The following CNBD1 variants were observed in gnomAD, a reference collection of about 807,000 sequenced individuals.
The protein encoded by CNBD1 is cyclic nucleotide-binding domain-containing protein 1.
In CNBD1, 71 loss-of-function variants were observed where a neutral mutation model predicts 54.4. The ratio of observed to expected loss-of-function variants is 1.30; its 90% CI spans 1.08 to 1.59. The LOEUF (loss-of-function observed/expected upper bound fraction) is 1.59, where lower values mean the gene tolerates loss of function less well. CNBD1 is among the 40% of genes most tolerant of loss of function. The probability of loss-of-function intolerance (pLI) is 0.00; values close to 1 mark genes in which losing one functional copy is unlikely to be tolerated. For missense variants in CNBD1, 659 were observed against 518.0 expected, an observed-to-expected ratio of 1.27 and a Z score of -2.64; for synonymous variants, 182 against 170.7, an observed-to-expected ratio of 1.07 and a Z score of -0.51.
chr8:87,337,408 A>T (rs1275898787), intron 8 of CNBD1, among the ~76,000 whole-genome samples: 5 of 152,094 alleles, frequency 3.3e-5, no homozygotes, highest in African/African-American at 1.2e-4. Context: ...CTGGAGTTGG[A>T]TTTCCTACAG....
At chr8:87,093,644 A>C (rs539478138) in intron 4 of CNBD1, among the ~76,000 whole-genome samples, 79 of 152,312 alleles carry the variant, frequency 5.2e-4, no homozygotes, top group African/African-American at 1.8e-3. Flanking sequence ...TTGCCTAGTC[A>C]AGTTGACATA....
chr8:86,935,057 A>G (rs950816629), intron 3 of CNBD1, among the ~76,000 whole-genome samples: 2 of 148,458 alleles, frequency 1.3e-5, no homozygotes, highest in African/African-American at 5.1e-5. Flanking sequence ...TTATTTTGAG[A>G]CAGAGTCTTG....
intron 4 of CNBD1, among the ~76,000 whole-genome samples, chr8:87,079,935 A>C (rs1810954313): frequency 6.6e-6 from 1 of 152,168 alleles, no homozygotes; most frequent in South Asian, 2.1e-4. Flanking sequence ...TTTTTCTTCC[A>C]GTTTTAAGTT....
At chr8:86,883,354 A>G (rs1394400250) in intron 1 of CNBD1, among the ~76,000 whole-genome samples, 1 of 152,290 alleles carries the variant, frequency 6.6e-6, no homozygotes, top group South Asian at 2.1e-4. Flanking sequence ...ATTCACGTGA[A>G]TATTAGTGGA....
chr8:86,972,186 G>GGAGTTCT (rs1470485340), intron 4 of CNBD1, among the ~76,000 whole-genome samples: 4 of 152,184 alleles, frequency 2.6e-5, no homozygotes, highest in African/African-American at 9.6e-5. Flanking sequence ...TCCTGACCTC[G>GGAGTTCT]TGATCCACCC....
At chr8:87,135,588 CTATA>C (rs1812210823) in intron 4 of CNBD1, among the ~76,000 whole-genome samples, 1 of 146,936 alleles carries the variant, frequency 6.8e-6, no homozygotes, top group African/African-American at 2.5e-5. Flanking sequence ...AATATATATG[CTATA>C]TAAACACATA....
rs58453987 is a variant in CNBD1 at position 87,015,977 on chromosome 8, CAAAAAAAAAAA to C, written c.431+76238_431+76248del. Among the ~76,000 whole-genome samples, 14 of 55,954 alleles carry C rather than the reference CAAAAAAAAAAA, an allele frequency of 2.5e-4. No homozygotes were observed. In the South Asian group the frequency reaches 8.7e-3, roughly 35 times the overall value. 36.7% of individuals were successfully genotyped at this position (55,954 alleles called of 152,430 possible). A position where few individuals can be genotyped will look rare whatever the true frequency, so the allele number is the denominator to read the frequency against. ...CCTGGGAAATAGTGAGAATCCGTCT[CAAAAAAAAAAA>C]AAAAAAAAAAAAAAGCCTTTTATTC... On this transcript the variant is annotated intron_variant, in intron 4 of 10. Coordinates refer to ENST00000518476, the MANE Select transcript of CNBD1 (RefSeq NM_173538.3).
intron 2 of CNBD1, among the ~76,000 whole-genome samples, chr8:87,389,489 C>T (rs1416554914): frequency 2.0e-5 from 3 of 152,124 alleles, no homozygotes; most frequent in Non-Finnish European, 2.9e-5. Context: ...CATGAGTGAA[C>T]TCCCATTCAC....
intron 4 of CNBD1, among the ~76,000 whole-genome samples, chr8:86,987,453 G>A (rs1485577225): frequency 6.6e-6 from 1 of 152,096 alleles, no homozygotes; most frequent in Non-Finnish European, 1.5e-5. Context: ...TCAATAAAGA[G>A]AGACAGTTGG....
At chr8:87,347,788 G>T (rs528791613) in intron 8 of CNBD1, among the ~76,000 whole-genome samples, 2 of 152,134 alleles carry the variant, frequency 1.3e-5, no homozygotes, top group Non-Finnish European at 2.9e-5. Flanking sequence ...GAGAAGGGGA[G>T]AAAGGGGTAA....
chr8:87,188,386 T>C (rs1463534569), intron 4 of CNBD1, among the ~76,000 whole-genome samples: 1 of 152,178 alleles, frequency 6.6e-6, no homozygotes, highest in African/African-American at 2.4e-5. Context: ...TGCCAGTGTT[T>C]GGATTATTAC....
rs1809552735 is a variant in CNBD1, at chr8:87,322,218, G to T, written c.1043-29467G>T. Among the ~76,000 whole-genome samples, 2 of 122,410 alleles carry T rather than the reference G, an allele frequency of 1.6e-5. 1 individual carries two copies. Among genetic ancestry groups the T allele is most frequent in the South Asian group, 4.7e-4 (2 of 4,214 alleles). The allele number at this position is 122,410 out of a possible 152,430, so 80.3% of individuals were successfully genotyped here. The stretch of plus-strand genomic sequence containing the variant: ...CAGTCTATCATTGTTGGACATTTGG[G>T]TTGTTTCCAAGTCTTTGCTATTGTG... On this transcript the variant is annotated intron_variant, in intron 8 of 10. Transcript: ENST00000518476.
At chr8:87,115,087 C>T (rs1221286695) in intron 4 of CNBD1, among the ~76,000 whole-genome samples, 1 of 152,154 alleles carries the variant, frequency 6.6e-6, no homozygotes, top group African/African-American at 2.4e-5. Flanking sequence ...ATTTAATCAA[C>T]TTAACCTGCT....
At chr8:87,275,825 CA>C (rs1808467472) in intron 6 of CNBD1, among the ~76,000 whole-genome samples, 1 of 151,630 alleles carries the variant, frequency 6.6e-6, no homozygotes, top group African/African-American at 2.4e-5. Flanking sequence ...TAGAAAACCC[CA>C]TTGTCTCAGC....
At chr8:87,017,260 C>T (rs1021530122) in intron 4 of CNBD1, among the ~76,000 whole-genome samples, 6 of 152,088 alleles carry the variant, frequency 3.9e-5, no homozygotes, top group African/African-American at 1.4e-4. Flanking sequence ...TACTTAAATG[C>T]CTTATAAAAA....
chr8:87,251,201 G>T (rs945183110), intron 6 of CNBD1, among the ~76,000 whole-genome samples: 1 of 151,982 alleles, frequency 6.6e-6, no homozygotes, highest in Non-Finnish European at 1.5e-5. Context: ...AAATTTCAGA[G>T]CCCTAGTTTT....
At chr8:87,014,225 A>G (rs1292237565) in intron 4 of CNBD1, among the ~76,000 whole-genome samples, 1 of 151,748 alleles carries the variant, frequency 6.6e-6, no homozygotes, top group Admixed American at 6.6e-5. Context: ...ATAAACCAGC[A>G]TTAAAATTAT....
intron 6 of CNBD1, among the ~76,000 whole-genome samples, chr8:87,261,151 C>G (rs577229082): frequency 6.6e-6 from 1 of 152,208 alleles, no homozygotes; most frequent in Non-Finnish European, 1.5e-5. Flanking sequence ...GGACCCAGTC[C>G]AGTTTCTATC....
At chr8:87,426,405 T>C (rs555951612) in intron 2 of CNBD1, among the ~76,000 whole-genome samples, 7 of 152,316 alleles carry the variant, frequency 4.6e-5, no homozygotes, top group Non-Finnish European at 7.3e-5. Flanking sequence ...GTAAGGTTGG[T>C]ATAAAAACTT....
Sources: allele counts gnomAD v4.1 joint callset (sites outside exome capture counted in the v4.1 genomes callset), GRCh38; gene constraint gnomAD v4.1.1; transcripts MANE v1.5; gene names NCBI Gene and HGNC (gene_info 2026-07-23, HGNC 2026-07-21).